The following MAP3K20 variants were observed in gnomAD, a reference collection of about 807,000 sequenced individuals.
The protein encoded by MAP3K20 is mitogen-activated protein kinase kinase kinase 20, also known as HCCS-4.
In MAP3K20, 40 loss-of-function variants were observed where a neutral mutation model predicts 85.7. That is an observed-to-expected ratio of 0.47 (90% confidence interval 0.36 to 0.61). The LOEUF is 0.61. Ranked by LOEUF, MAP3K20 falls within the 20% of genes least tolerant of loss-of-function variation. The pLI is 0.00. For missense variants in MAP3K20, 817 were observed against 961.7 expected, an observed-to-expected ratio of 0.85 and a Z score of 1.99; for synonymous variants, 325 against 327.7, an observed-to-expected ratio of 0.99 and a Z score of 0.09.
intron 2 of MAP3K20, among the ~76,000 whole-genome samples, chr2:173,144,462 CAAAAAAAAAAAAAA>C (rs71018537): frequency 1.1e-5 from 1 of 92,878 alleles, no homozygotes; most frequent in African/African-American, 3.9e-5. Flanking sequence ...GACTCCGTCT[CAAAAAAAAAAAAAA>C]AAAAAAAAAG....
intron 2 of MAP3K20, among the ~76,000 whole-genome samples, chr2:173,106,718 C>A (rs889392265): frequency 7.9e-5 from 12 of 152,006 alleles, no homozygotes; most frequent in African/African-American, 2.7e-4. Context: ...GGAATTTAGG[C>A]TAAGTAAGGA....
chr2:173,245,957 C>A (rs1268451452), intron 16 of MAP3K20, among the ~76,000 whole-genome samples: 1 of 152,180 alleles, frequency 6.6e-6, no homozygotes, highest in African/African-American at 2.4e-5. Flanking sequence ...TAGATGACAT[C>A]ATATGTGGAG....
At chr2:173,251,818 T>G (rs751312761) in intron 16 of MAP3K20, among the ~76,000 whole-genome samples, 13 of 152,210 alleles carry the variant, frequency 8.5e-5, no homozygotes, top group Non-Finnish European at 1.5e-4. Flanking sequence ...ACACTTAAAA[T>G]TGTTTAAATG....
intron 2 of MAP3K20, among the ~76,000 whole-genome samples, chr2:173,132,694 A>G (rs760567035): frequency 7.2e-5 from 11 of 152,240 alleles, no homozygotes; most frequent in Non-Finnish European, 1.6e-4. Flanking sequence ...TGTAGTGACT[A>G]GGAGTGCAGG....
At chr2:173,108,468 A>G (rs1160133254) in intron 2 of MAP3K20, among the ~76,000 whole-genome samples, 1 of 152,152 alleles carries the variant, frequency 6.6e-6, no homozygotes, top group Non-Finnish European at 1.5e-5. Flanking sequence ...TTAATTACAC[A>G]TGTCCTGTCC....
At chr2:173,211,066 G>A (rs550869684) in intron 10 of MAP3K20, 47 of 152,258 alleles carry the variant, frequency 3.1e-4, no homozygotes, top group African/African-American at 9.9e-4. Context: ...TTTGCAGTAA[G>A]AGATCAGTAT....
At chr2:173,145,112 C>T (rs932463171) in intron 2 of MAP3K20, among the ~76,000 whole-genome samples, 2 of 151,986 alleles carry the variant, frequency 1.3e-5, no homozygotes, top group Non-Finnish European at 2.9e-5. Flanking sequence ...AATGTAAAAG[C>T]GAAAACTATA....
At chr2:173,224,892 T>C in intron 11 of MAP3K20, 1 of 985,398 alleles carries the variant, frequency 1.0e-6, no homozygotes, top group Non-Finnish European at 1.2e-6. Flanking sequence ...CAGCTTCTAA[T>C]TCACTTTTCA....
chr2:173,259,166 A>AACTTTTCCCGGAGAATG (rs1685230541), intron 17 of MAP3K20, among the ~76,000 whole-genome samples: 1 of 152,138 alleles, frequency 6.6e-6, no homozygotes, highest in African/African-American at 2.4e-5. Flanking sequence ...AACTTTGGAA[A>AACTTTTCCCGGAGAATG]ACTTTTCCCG....
At chr2:173,230,995 C>CAA (rs201159431) in intron 12 of MAP3K20, among the ~76,000 whole-genome samples, 1 of 151,028 alleles carries the variant, frequency 6.6e-6, no homozygotes, top group Non-Finnish European at 1.5e-5. Context: ...GGCTTCATCT[C>CAA]AAAAAAAAAA....
intron 2 of MAP3K20, among the ~76,000 whole-genome samples, chr2:173,156,699 C>T (rs1351335660): frequency 1.3e-5 from 2 of 152,294 alleles, no homozygotes; most frequent in African/African-American, 2.4e-5. Flanking sequence ...AATGCTCGCT[C>T]GCCAGCTGCT....
intron 14 of MAP3K20, among the ~76,000 whole-genome samples, chr2:173,235,189 C>T (rs1269133393): frequency 1.3e-5 from 2 of 152,152 alleles, no homozygotes; most frequent in Non-Finnish European, 2.9e-5. Flanking sequence ...ATGGGCAGCA[C>T]AGCAGAGAAG....
At position 173,266,621 on chromosome 2, in the gene MAP3K20, A is replaced by G; in HGVS notation, c.2274A>G (p.Glu758=). 1 of 1,613,988 alleles carries G rather than the reference A, an allele frequency of 6.2e-7. No individual in the cohort carries two copies. The highest frequency in any genetic ancestry group is 1.7e-4 in the Middle Eastern group (1 of 6,060). The change falls in exon 20 of 20, where the codon GAA becomes GAG. Residue 758 remains glutamate (E), a synonymous_variant. Transcript: ENST00000375213. ...LHPETDSRAS[E]EDSKVSEGGW... ...CTGAGACTGACTCAAGAGCCAGTGAAGAGGACAGCAAAGTCAGCGAAGGGG... is the reference window on the plus strand; with the variant it reads ...CTGAGACTGACTCAAGAGCCAGTGAGGAGGACAGCAAAGTCAGCGAAGGGG...
At chr2:173,114,342 G>A (rs1157574906) in intron 2 of MAP3K20, among the ~76,000 whole-genome samples, 3 of 152,126 alleles carry the variant, frequency 2.0e-5, no homozygotes, top group African/African-American at 7.2e-5. Flanking sequence ...CCATTCTGCA[G>A]TTCTGTGTCT....
intron 14 of MAP3K20, among the ~76,000 whole-genome samples, chr2:173,237,542 C>T (rs979388656): frequency 6.6e-6 from 1 of 152,198 alleles, no homozygotes; most frequent in African/African-American, 2.4e-5. Flanking sequence ...CTTTTTTACT[C>T]TCTCTGCAAT....
intron 17 of MAP3K20, 76 bp from the exon 18 acceptor site, chr2:173,260,987 A>G: frequency 7.3e-7 from 1 of 1,374,094 alleles, no homozygotes; most frequent in East Asian, 2.3e-5. Flanking sequence ...GTATGGCACA[A>G]CCGGCCTCAA....
Position 173,141,729 on chromosome 2 carries a change from A to G in MAP3K20, c.160-28076A>G, listed in dbSNP as rs1228849144. On this transcript the variant is annotated intron_variant, in intron 2 of 19. Transcript: ENST00000375213. The stretch of plus-strand genomic sequence containing the variant: ...GTTCCAGCAAGCTCAGAAAACCCCA[A>G]GCAGGATAAATTAAAAATGAAAACC... Among the ~76,000 whole-genome samples the G allele has an allele frequency of 1.2e-4, 18 of 152,320 alleles. No homozygotes were observed. In the East Asian group the frequency reaches 3.5e-3, roughly 29 times the overall value.
chr2:173,179,740 A>ACACACACAC (rs1574083194), intron 3 of MAP3K20, among the ~76,000 whole-genome samples: 1 of 148,780 alleles, frequency 6.7e-6, no homozygotes, highest in Non-Finnish European at 1.5e-5. Flanking sequence ...ACACACACAC[A>ACACACACAC]AAAGCTACTA....
chr2:173,200,579 T>A (rs985628366), intron 8 of MAP3K20, among the ~76,000 whole-genome samples: 3 of 152,224 alleles, frequency 2.0e-5, no homozygotes, highest in Admixed American at 6.5e-5. Flanking sequence ...GTCTTTTTTT[T>A]AACTTTTTAT....
Sources: allele counts gnomAD v4.1 joint callset (sites outside exome capture counted in the v4.1 genomes callset), GRCh38; gene constraint gnomAD v4.1.1; transcripts MANE v1.5; gene names NCBI Gene and HGNC (gene_info 2026-07-23, HGNC 2026-07-21).